UBR3: variants seen among roughly 807,000 people sequenced by gnomAD.
UBR3 encodes the protein E3 ubiquitin-protein ligase UBR3.
Under a neutral mutation model 243.2 loss-of-function variants are expected in UBR3, and 85 were observed. The ratio of observed to expected loss-of-function variants is 0.35; its 90% confidence interval spans 0.29 to 0.42. The LOEUF (loss-of-function observed/expected upper bound fraction) is 0.42, where lower values mean the gene tolerates loss of function less well. Ranked by LOEUF, UBR3 falls within the 10% of genes least tolerant of loss-of-function variation. UBR3 has a pLI of 1.00. For synonymous variants in UBR3, 748 were observed against 799.8 expected (o/e 0.94, Z 1.09); for missense variants, 1,686 against 2,300.8 (o/e 0.73, Z 5.47).
intron 32 of UBR3, among the ~76,000 whole-genome samples, chr2:170,043,732 C>T (rs972973452): frequency 6.6e-6 from 1 of 152,146 alleles, no homozygotes; most frequent in African/African-American, 2.4e-5. Flanking sequence ...ATGTACTTCA[C>T]CCTTGGGGAG....
intron 30 of UBR3, among the ~76,000 whole-genome samples, chr2:170,019,471 G>C (rs2090331829): frequency 6.6e-6 from 1 of 152,122 alleles, no homozygotes; most frequent in African/African-American, 2.4e-5. Flanking sequence ...GATCGCTTGA[G>C]TCCAAAAGTT....
In UBR3 at chr2:170,046,561, C is replaced by T. The variant is rs375661229; in HGVS notation, c.4660+5576C>T. 2.6e-5 allele frequency among the ~76,000 whole-genome samples: 4 copies of T among 152,118 alleles called. No homozygotes were observed. The South Asian group carries it at 8.3e-4, about 32-fold the overall frequency. On this transcript the variant is annotated intron_variant, in intron 32 of 38. Coordinates refer to ENST00000272793, the MANE Select transcript of UBR3 (RefSeq NM_172070.4). ...GGAATCAGTTTCTTATTTCTTTTTA[C>T]AAAAATACTTCATGGATAATGTTAA... is the stretch of plus-strand genomic sequence containing the variant.
intron 30 of UBR3, among the ~76,000 whole-genome samples, chr2:170,023,569 C>G (rs1266802262): frequency 1.3e-5 from 2 of 151,726 alleles, no homozygotes; most frequent in Non-Finnish European, 2.9e-5. Flanking sequence ...ACCACCACAC[C>G]CAGCTAATTT....
chr2:169,906,506 A>G (rs138307761), intron 10 of UBR3, among the ~76,000 whole-genome samples: 80 of 152,160 alleles, frequency 5.3e-4, no homozygotes, highest in African/African-American at 1.6e-3. Context: ...AGGACAAAAC[A>G]AGTATAAATT....
chr2:170,006,119 C>A (rs188343901), intron 27 of UBR3, among the ~76,000 whole-genome samples: 1 of 152,080 alleles, frequency 6.6e-6, no homozygotes, highest in Admixed American at 6.5e-5. Flanking sequence ...TGACCAGGAC[C>A]CTTGCCCCAA....
At chr2:169,877,743 C>A in intron 4 of UBR3, 106 bp downstream of exon 4, 1 of 1,099,734 alleles carries the variant, frequency 9.1e-7, no homozygotes. Flanking sequence ...TGAACTAAAA[C>A]AGTATTATTC....
chr2:169,889,744 AC>A (rs1259043274), intron 5 of UBR3, among the ~76,000 whole-genome samples: 8 of 152,108 alleles, frequency 5.3e-5, no homozygotes, highest in African/African-American at 1.9e-4. Context: ...GCTCTGGAAA[AC>A]CCCAGAAAAT....
chr2:169,949,869 A>C lies in UBR3; in HGVS notation c.3349A>C (p.Ile1117Leu). The change falls in exon 23 of 39, where the codon ATT (isoleucine) becomes CTT (leucine). Residue 1117 changes from isoleucine (I) to leucine (L), a missense_variant. Ile to Leu is a conservative substitution (Grantham distance 5). Coordinates refer to ENST00000272793, the MANE Select transcript of UBR3 (RefSeq NM_172070.4). Reference protein sequence around the residue: ...YYPPWLDDIEILIQPEIPKYS... With the variant: ...YYPPWLDDIELLIQPEIPKYS... The stretch of plus-strand genomic sequence containing the variant: ...TCCTCCTTGGCTTGATGACATAGAA[A>C]TTTTAATCCAACCAGAAATTCCTAA... 2 of 1,600,158 alleles carry C rather than the reference A, an allele frequency of 1.2e-6. No individual in the cohort carries two copies. Among genetic ancestry groups the C allele is most frequent in the Non-Finnish European group, 1.7e-6 (2 of 1,172,066 alleles).
intron 32 of UBR3, among the ~76,000 whole-genome samples, chr2:170,053,944 T>C (rs1187525529): frequency 2.0e-5 from 3 of 152,180 alleles, no homozygotes; most frequent in Non-Finnish European, 2.9e-5. Context: ...AGCTCAGTTA[T>C]CCTGTTGAGA....
intron 19 of UBR3, among the ~76,000 whole-genome samples, chr2:169,942,159 G>A (rs180798789): frequency 6.5e-4 from 99 of 152,248 alleles, no homozygotes; most frequent in Admixed American, 7.8e-4. Flanking sequence ...AGAATTTTCA[G>A]GTCGTCTATT....
chr2:169,837,242 C>T (rs1010750332), intron 1 of UBR3, among the ~76,000 whole-genome samples: 1 of 152,176 alleles, frequency 6.6e-6, no homozygotes, highest in African/African-American at 2.4e-5. Context: ...TTTGGGAAGC[C>T]GAGGCAGGTG....
chr2:169,888,936 A>G (rs974084455), intron 5 of UBR3, among the ~76,000 whole-genome samples: 4 of 152,064 alleles, frequency 2.6e-5, no homozygotes, highest in African/African-American at 9.7e-5. Flanking sequence ...TTGCCATTAT[A>G]AATAACATTG....
Position 169,928,799 on chromosome 2 carries a change from G to A in UBR3, c.2497G>A (p.Val833Ile). ...SYSFESVLSA[V>I]ADFKAPVFEP... Reference sequence around the variant, plus strand: ...CAGCTTTGAATCAGTTTTATCAGCTGTAGCTGATTTTAAGGCTCCTGTTTT... The same window carrying A: ...CAGCTTTGAATCAGTTTTATCAGCTATAGCTGATTTTAAGGCTCCTGTTTT... Residue 833 changes from valine to isoleucine, a missense_variant, in exon 18 of 39, where the codon GTA (valine) becomes ATA (isoleucine). By Grantham distance (29) the Val-to-Ile change is conservative. This residue lies in a region of UBR3 where 346 missense variants were observed against 585.8 expected (regional missense o/e 0.59). Transcript: ENST00000272793. 2.0e-6 allele frequency: 3 copies of A among 1,515,020 alleles called. No individual in the cohort carries two copies. Among genetic ancestry groups the A allele is most frequent in the Non-Finnish European group, 1.8e-6 (2 of 1,121,300 alleles). 93.8% of individuals were successfully genotyped at this position (1,515,020 alleles called of 1,614,324 possible).
At chr2:169,978,848 T>TGTCTC (rs1309386647) in intron 24 of UBR3, among the ~76,000 whole-genome samples, 1 of 152,082 alleles carries the variant, frequency 6.6e-6, no homozygotes, top group Non-Finnish European at 1.5e-5. Flanking sequence ...TATGGAGGAA[T>TGTCTC]GTCTCAGCTC....
intron 24 of UBR3, among the ~76,000 whole-genome samples, chr2:169,966,788 A>G (rs2087831474): frequency 6.6e-6 from 1 of 152,244 alleles, no homozygotes; most frequent in Non-Finnish European, 1.5e-5. Context: ...AGAATGGTAC[A>G]TAATAAGCAT....
At chr2:169,870,248 A>G (rs2083392063) in intron 1 of UBR3, among the ~76,000 whole-genome samples, 1 of 152,184 alleles carries the variant, frequency 6.6e-6, no homozygotes. Context: ...TGTCACATTT[A>G]TCACAAATTT....
chr2:169,837,616 A>T (rs1006571284), intron 1 of UBR3, among the ~76,000 whole-genome samples: 1 of 152,172 alleles, frequency 6.6e-6, no homozygotes, highest in African/African-American at 2.4e-5. Flanking sequence ...ACAGAGCAGC[A>T]GGGGGGGAGA....
intron 35 of UBR3, among the ~76,000 whole-genome samples, chr2:170,064,108 A>G (rs1004841029): frequency 2.0e-5 from 3 of 152,170 alleles, no homozygotes; most frequent in Admixed American, 6.5e-5. Flanking sequence ...TATAAATGCA[A>G]TTTCATATAT....
chr2:170,080,151 G>T (rs2091882989), intron 37 of UBR3, 128 bp downstream of exon 37: 1 of 894,136 alleles, frequency 1.1e-6, no homozygotes, highest in Non-Finnish European at 1.7e-6. Flanking sequence ...GATTGTGTGT[G>T]TTTTTTAATC....
Sources: allele counts gnomAD v4.1 joint callset (sites outside exome capture counted in the v4.1 genomes callset), GRCh38; gene constraint gnomAD v4.1.1; regional missense constraint gnomAD v4.1.1; transcripts MANE v1.5; gene names NCBI Gene and HGNC (gene_info 2026-07-23, HGNC 2026-07-21).